Variants in AKAP13 observed in about 807,000 individuals in gnomAD.
AKAP13 encodes the protein A-kinase anchor protein 13.
AKAP13 carries 80 observed loss-of-function variants against 264.5 expected under a neutral mutation model. That is an observed-to-expected ratio of 0.30 (90% CI 0.25 to 0.36). AKAP13 has a LOEUF of 0.36. AKAP13 is among the 10% of genes least tolerant of loss of function. AKAP13 has a pLI of 1.00. For missense variants in AKAP13, 3,712 were observed against 3,435.2 expected (o/e 1.08, Z -2.01); for synonymous variants, 1,380 against 1,250.2 (o/e 1.10, Z -2.19).
chr15:85,402,178 C>A (rs958105245), intron 1 of AKAP13, among the ~76,000 whole-genome samples: 1 of 152,164 alleles, frequency 6.6e-6, no homozygotes, highest in Non-Finnish European at 1.5e-5. Flanking sequence ...CTTGGAATTA[C>A]ATCAAGGGCC....
intron 8 of AKAP13, chr15:85,624,718 G>A (rs1382257404): frequency 6.6e-6 from 1 of 152,212 alleles, no homozygotes; most frequent in African/African-American, 2.4e-5. Flanking sequence ...GTGTAACCAT[G>A]AGCTGTATTA....
rs1596595209 is a variant in AKAP13 at position 85,581,990 on chromosome 15, A to C, written c.3922A>C (p.Ser1308Arg). 6.2e-7 allele frequency: 1 copy of C among 1,614,122 alleles called. No homozygotes were observed. Among genetic ancestry groups the C allele is most frequent in the East Asian group, 2.2e-5 (1 of 44,874 alleles). The change falls in exon 7 of 37, where the codon AGC (serine) becomes CGC (arginine). Residue 1308 changes from serine to arginine, a missense_variant. Physicochemically the swap from Ser to Arg is moderately radical, Grantham distance 110. Coordinates refer to ENST00000394518, the MANE Select transcript of AKAP13 (RefSeq NM_007200.5). ...EKVSTFPPGE[S>R]LPMGSTPEEA... is the part of the protein sequence containing the mutation. Reference sequence around the variant, plus strand: ...AGTGAGTACTTTCCCACCTGGGGAGAGCCTACCAATGGGCAGTACTCCTGA... The same window carrying C: ...AGTGAGTACTTTCCCACCTGGGGAGCGCCTACCAATGGGCAGTACTCCTGA...
chr15:85,730,732 C>G (rs769136646), intron 30 of AKAP13, 25 bp downstream of exon 30: 3 of 1,588,148 alleles, frequency 1.9e-6, no homozygotes, highest in Admixed American at 3.4e-5. Context: ...GCATTGCCCC[C>G]TCTTCATCTA....
chr15:85,644,693 CAAAAAAA>C (rs1161365911), intron 9 of AKAP13, among the ~76,000 whole-genome samples: 16 of 103,902 alleles, frequency 1.5e-4, no homozygotes, highest in East Asian at 5.7e-4. Context: ...ACTAAAAATA[CAAAAAAA>C]AAAAAAAAAA....
chr15:85,701,388 T>C (rs922735303), intron 17 of AKAP13, among the ~76,000 whole-genome samples: 6 of 152,236 alleles, frequency 3.9e-5, no homozygotes, highest in East Asian at 1.9e-4. Flanking sequence ...ATCTTAGTTC[T>C]ACCTGCTCAG....
rs560150432 is a variant in AKAP13, at chr15:85,542,710, C to G, written c.479-1062C>G. On this transcript the variant is annotated intron_variant, in intron 4 of 36. Transcript: ENST00000394518. ...TGCAAAGACCTCAGCTCCTGTCATCCTAGGTTGGGCACTGAGGACTGCTGA... is the reference window on the plus strand; with the variant it reads ...TGCAAAGACCTCAGCTCCTGTCATCGTAGGTTGGGCACTGAGGACTGCTGA... Among the ~76,000 whole-genome samples, 111 of 152,254 alleles carry G rather than the reference C, an allele frequency of 7.3e-4. 1 individual carries two copies. The highest frequency in any genetic ancestry group is 2.3e-3 in the African/African-American group (96 of 41,552).
chr15:85,500,680 G>C (rs2076015988), intron 2 of AKAP13, among the ~76,000 whole-genome samples: 1 of 152,144 alleles, frequency 6.6e-6, no homozygotes, highest in Admixed American at 6.5e-5. Flanking sequence ...TTCCCCCCCA[G>C]AGATTCTGCT....
chr15:85,597,433 A>C (rs1470494320), intron 8 of AKAP13, among the ~76,000 whole-genome samples: 2 of 152,184 alleles, frequency 1.3e-5, no homozygotes, highest in Admixed American at 1.3e-4. Context: ...GGAGATTCTT[A>C]AATAGGAAAT....
intron 17 of AKAP13, among the ~76,000 whole-genome samples, chr15:85,699,550 C>T (rs1298417865): frequency 6.6e-6 from 1 of 152,128 alleles, no homozygotes; most frequent in African/African-American, 2.4e-5. Flanking sequence ...GAAGAGGACT[C>T]TTTATTTTAT....
intron 12 of AKAP13, among the ~76,000 whole-genome samples, chr15:85,659,211 A>G (rs1003225599): frequency 3.3e-5 from 5 of 152,230 alleles, no homozygotes; most frequent in Non-Finnish European, 7.3e-5. Flanking sequence ...GCTGAGAAGT[A>G]ATTTCTAGTC....
intron 15 of AKAP13, 161 bp from the exon 16 acceptor site, chr15:85,684,580 G>A: frequency 1.5e-6 from 1 of 668,692 alleles, no homozygotes; most frequent in East Asian, 2.8e-5. Flanking sequence ...ATTAGTGACG[G>A]ATCTAAGGAA....
chr15:85,724,770 T>TA lies in AKAP13; in HGVS notation c.6745+1452dup, dbSNP rs1342979563. Among the ~76,000 whole-genome samples the TA allele has an allele frequency of 6.6e-6, 1 of 151,868 alleles. No individual in the cohort carries two copies. Among genetic ancestry groups the TA allele is most frequent in the Non-Finnish European group, 1.5e-5 (1 of 67,994 alleles). On this transcript the variant is annotated intron_variant, in intron 26 of 36. Coordinates refer to ENST00000394518, the MANE Select transcript of AKAP13 (RefSeq NM_007200.5). This position sits in a 1 kb window ranked among gnomAD's most constrained non-coding sequence, Gnocchi z 4.2. ...GGAGTGAAGAGAGACTGGTGACAGA[T>TA]AAGAGACTGTGCAGTGCTTTGGGGA...
At chr15:85,530,738 C>T (rs2077217523) in intron 3 of AKAP13, among the ~76,000 whole-genome samples, 1 of 152,162 alleles carries the variant, frequency 6.6e-6, no homozygotes, top group African/African-American at 2.4e-5. Flanking sequence ...TTCTTTAAAG[C>T]AGTTCTCCTG....
chr15:85,663,900 T>C (rs899618924), intron 12 of AKAP13, among the ~76,000 whole-genome samples: 2 of 152,240 alleles, frequency 1.3e-5, no homozygotes, highest in African/African-American at 4.8e-5. Flanking sequence ...CAACTCTTTC[T>C]ACTCTTAGAC....
intron 36 of AKAP13, 196 bp downstream of exon 36, chr15:85,744,021 C>T (rs999317734): frequency 8.0e-6 from 5 of 624,628 alleles, no homozygotes; most frequent in South Asian, 4.3e-5. Flanking sequence ...CTGTGTGGCA[C>T]GTGTGCAGAA....
At chr15:85,545,856 A>C (rs1189579383) in intron 5 of AKAP13, among the ~76,000 whole-genome samples, 1 of 152,180 alleles carries the variant, frequency 6.6e-6, no homozygotes, top group African/African-American at 2.4e-5. Flanking sequence ...ACATAACGTA[A>C]AAATGGTTAA....
At chr15:85,555,715 GC>G (rs2078119336) in intron 5 of AKAP13, among the ~76,000 whole-genome samples, 1 of 152,178 alleles carries the variant, frequency 6.6e-6, no homozygotes, top group African/African-American at 2.4e-5. Context: ...CGCATGCTAG[GC>G]AAGGTAAGAA....
At chr15:85,740,997 GCTGTCGTC>G in intron 34 of AKAP13, 41 bp from the exon 35 acceptor site, 1 of 1,550,368 alleles carries the variant, frequency 6.5e-7, no homozygotes, top group Non-Finnish European at 8.7e-7. Context: ...CCAGAAGCTC[GCTGTCGTC>G]CTGGCCAGAG....
Position 85,683,820 on chromosome 15 carries a change from C to T in AKAP13, c.5157-921C>T, listed in dbSNP as rs559218724. Among the ~76,000 whole-genome samples, 8 of 152,350 alleles carry T rather than the reference C, an allele frequency of 5.3e-5. No individual in the cohort carries two copies. In the South Asian group the frequency reaches 1.5e-3, roughly 28 times the overall value. ...CCATTGCAAATTACCTAAGTTAGAACATGCCCATCTTGGATGGACTTAGAT... is the reference window on the plus strand; with the variant it reads ...CCATTGCAAATTACCTAAGTTAGAATATGCCCATCTTGGATGGACTTAGAT... On this transcript the variant is annotated intron_variant, in intron 15 of 36. Transcript: ENST00000394518.
Sources: gnomAD v4.1 joint callset for allele counts (sites outside exome capture counted in the v4.1 genomes callset) on GRCh38, gnomAD v4.1.1 for gene constraint, Gnocchi (gnomAD v3.1) non-coding constraint, MANE v1.5 for transcripts, NCBI Gene and HGNC (gene_info 2026-07-23, HGNC 2026-07-21) for gene names.